The following UBASH3B variants were observed in gnomAD, a reference collection of about 807,000 sequenced individuals.
UBASH3B encodes the protein ubiquitin-associated and SH3 domain-containing protein B.
In UBASH3B, 37 loss-of-function variants were observed where a neutral mutation model predicts 83.4. The ratio of observed to expected loss-of-function variants is 0.44; its 90% CI spans 0.34 to 0.58. UBASH3B has a LOEUF of 0.58. UBASH3B is among the 20% of genes least tolerant of loss of function. UBASH3B has a pLI of 0.01. For synonymous variants in UBASH3B, 304 were observed against 318.3 expected (o/e 0.96, Z 0.48); for missense variants, 657 against 827.2 (o/e 0.79, Z 2.52).
intron 1 of UBASH3B, among the ~76,000 whole-genome samples, chr11:122,767,027 C>T (rs1860553233): frequency 6.6e-6 from 1 of 152,174 alleles, no homozygotes; most frequent in South Asian, 2.1e-4. Context: ...CGCCTGTAAT[C>T]CCAGCACTTT....
chr11:122,803,133 G>A (rs1483713706), intron 11 of UBASH3B, among the ~76,000 whole-genome samples: 3 of 152,102 alleles, frequency 2.0e-5, no homozygotes, highest in African/African-American at 4.8e-5. Flanking sequence ...TTTCCTCTCC[G>A]GCAAATCAGA....
chr11:122,779,626 A>G lies in UBASH3B; in HGVS notation c.532A>G (p.Lys178Glu). 1 of 1,614,154 alleles carries G rather than the reference A, an allele frequency of 6.2e-7. No homozygotes were observed. Among genetic ancestry groups the G allele is most frequent in the Non-Finnish European group, 8.5e-7 (1 of 1,180,012 alleles). The change falls in exon 4 of 14, where the codon AAG becomes GAG. Residue 178 changes from lysine (K) to glutamate (E), a missense_variant. Physicochemically the swap from Lys to Glu is moderately conservative, Grantham distance 56. Coordinates refer to ENST00000284273, the MANE Select transcript of UBASH3B (RefSeq NM_032873.5). The part of the protein sequence containing the change: ...TSSNFIGLFV[K>E]EDSAEVLKKF... Reference sequence around the variant, plus strand: ...GTCCAACTTCATCGGCCTCTTTGTAAAGGAAGACAGTGCGGAGGTCCTCAA... The same window carrying G: ...GTCCAACTTCATCGGCCTCTTTGTAGAGGAAGACAGTGCGGAGGTCCTCAA...
At chr11:122,683,108 G>A (rs980817874) in intron 1 of UBASH3B, among the ~76,000 whole-genome samples, 12 of 151,994 alleles carry the variant, frequency 7.9e-5, no homozygotes, top group Admixed American at 2.0e-4. Context: ...TTACCCAGGC[G>A]CATGGTGGTG....
intron 1 of UBASH3B, among the ~76,000 whole-genome samples, chr11:122,686,647 C>T (rs1183080653): frequency 6.6e-6 from 1 of 152,086 alleles, no homozygotes; most frequent in Non-Finnish European, 1.5e-5. Context: ...GTTAATAGAG[C>T]TCCGTGTGCA....
chr11:122,808,146 C>A lies in UBASH3B; in HGVS notation c.1782C>A (p.Asn594Lys). 1 of 1,614,176 alleles carries A rather than the reference C, an allele frequency of 6.2e-7. No homozygotes were observed. Among genetic ancestry groups the A allele is most frequent in the Non-Finnish European group, 8.5e-7 (1 of 1,179,996 alleles). The change falls in exon 13 of 14, where the codon AAC becomes AAA. Residue 594 changes from asparagine to lysine, a missense_variant. Asn to Lys is a moderately conservative substitution (Grantham distance 94). Around this residue, in one of 3 missense-constraint regions of UBASH3B, gnomAD observed 573 missense variants for 739.0 expected, o/e 0.78. Transcript: ENST00000284273. Reference sequence around the variant, plus strand: ...AACTTCAGGGCCTGTCACCTCAGAACTCCAAGGACTTCGTACAAATGGTCC... The same window carrying A: ...AACTTCAGGGCCTGTCACCTCAGAAATCCAAGGACTTCGTACAAATGGTCC... ...TCQLQGLSPQ[N>K]SKDFVQMVRK...
At chr11:122,683,586 C>T (rs972737387) in intron 1 of UBASH3B, among the ~76,000 whole-genome samples, 2 of 135,540 alleles carry the variant, frequency 1.5e-5, no homozygotes, top group Non-Finnish European at 3.1e-5. Context: ...GCCTGGGGGA[C>T]AGAGCGAGAC....
chr11:122,725,896 G>A (rs958442360), intron 1 of UBASH3B, among the ~76,000 whole-genome samples: 2 of 152,156 alleles, frequency 1.3e-5, no homozygotes, highest in Non-Finnish European at 2.9e-5. Flanking sequence ...GTTTTACCAT[G>A]TTGGCGAGGC....
chr11:122,810,127 T>C lies in UBASH3B; in HGVS notation c.*241T>C, dbSNP rs148962016. 373 of 453,728 alleles carry C rather than the reference T, an allele frequency of 8.2e-4. 2 individuals are homozygous for C. The highest frequency in any genetic ancestry group is 6.6e-3 in the African/African-American group (333 of 50,692). 28.1% of individuals were successfully genotyped at this position (453,728 alleles called of 1,614,324 possible). ...CTCACAAGGCTTTGGAGAATTGTCTTCCTAAATCGGGGCACCTGCTACAGA... is the reference window on the plus strand; with the variant it reads ...CTCACAAGGCTTTGGAGAATTGTCTCCCTAAATCGGGGCACCTGCTACAGA... On this transcript the variant is annotated 3_prime_UTR_variant, in exon 14 of 14. Transcript: ENST00000284273.
At chr11:122,773,420 G>A (rs886373065) in intron 1 of UBASH3B, among the ~76,000 whole-genome samples, 1 of 152,212 alleles carries the variant, frequency 6.6e-6, no homozygotes, top group African/African-American at 2.4e-5. Context: ...TTTACTCCTC[G>A]TGCAGCCTCC....
At chr11:122,732,931 C>T (rs766284077) in intron 1 of UBASH3B, among the ~76,000 whole-genome samples, 4 of 152,164 alleles carry the variant, frequency 2.6e-5, no homozygotes. Flanking sequence ...GTTAGTATCT[C>T]TCTCAATGAA....
intron 9 of UBASH3B, among the ~76,000 whole-genome samples, 168 bp from the exon 10 acceptor site, chr11:122,798,774 A>G (rs1228265444): frequency 6.6e-6 from 1 of 151,516 alleles, no homozygotes; most frequent in Non-Finnish European, 1.5e-5. Flanking sequence ...AACGCCGATG[A>G]GGGGTTTTGT....
At chr11:122,761,830 T>C (rs1339276332) in intron 1 of UBASH3B, among the ~76,000 whole-genome samples, 1 of 137,356 alleles carries the variant, frequency 7.3e-6, no homozygotes, top group East Asian at 2.3e-4. Flanking sequence ...TCTCACTCTG[T>C]TGCCAGGCTG....
intron 1 of UBASH3B, among the ~76,000 whole-genome samples, chr11:122,735,168 T>G (rs1237672622): frequency 6.6e-6 from 1 of 152,164 alleles, no homozygotes; most frequent in African/African-American, 2.4e-5. Context: ...AAAATGACAT[T>G]AGAACAATCA....
At chr11:122,728,639 T>C (rs1256923151) in intron 1 of UBASH3B, among the ~76,000 whole-genome samples, 2 of 152,246 alleles carry the variant, frequency 1.3e-5, no homozygotes, top group African/African-American at 4.8e-5. Flanking sequence ...CTGTAGATGC[T>C]CAAGAATTGG....
At chr11:122,786,367 T>C (rs765458637) in intron 5 of UBASH3B, among the ~76,000 whole-genome samples, 12 of 151,582 alleles carry the variant, frequency 7.9e-5, no homozygotes, top group African/African-American at 1.7e-4. Context: ...AGAGTTCTTA[T>C]GAGTACAGGC....
At chr11:122,801,502 AT>A (rs1332559342) in intron 11 of UBASH3B, among the ~76,000 whole-genome samples, 170 bp downstream of exon 11, 1 of 152,122 alleles carries the variant, frequency 6.6e-6, no homozygotes, top group Admixed American at 6.6e-5. Context: ...AAAAGCCAGC[AT>A]TTTTTTCATA....
At chr11:122,742,992 A>G (rs1040187912) in intron 1 of UBASH3B, among the ~76,000 whole-genome samples, 2 of 152,174 alleles carry the variant, frequency 1.3e-5, no homozygotes, top group Admixed American at 6.5e-5. Flanking sequence ...GAGTGCCTCC[A>G]TGGCCCACCT....
intron 1 of UBASH3B, among the ~76,000 whole-genome samples, chr11:122,769,265 G>A (rs184417084): frequency 2.4e-4 from 37 of 152,212 alleles, no homozygotes; most frequent in Admixed American, 1.2e-3. Flanking sequence ...ACCAGCTCCC[G>A]TGAAAACAAA....
intron 9 of UBASH3B, 60 bp from the exon 10 acceptor site, chr11:122,798,882 C>T (rs1047268821): frequency 1.2e-5 from 17 of 1,430,984 alleles, no homozygotes; most frequent in African/African-American, 8.4e-5. Flanking sequence ...TCTCACACTG[C>T]GGGTCAAGGT....
Sources: gnomAD v4.1 joint callset for allele counts (sites outside exome capture counted in the v4.1 genomes callset) on GRCh38, gnomAD v4.1.1 for gene constraint, gnomAD v4.1.1 regional missense constraint, MANE v1.5 for transcripts, NCBI Gene and HGNC (gene_info 2026-07-23, HGNC 2026-07-21) for gene names.